Variants in FAM216A observed in about 807,000 individuals in gnomAD.
FAM216A encodes protein FAM216A.
Under a neutral mutation model 37.6 loss-of-function variants are expected in FAM216A, and 26 were observed. The observed-to-expected ratio is 0.69, with a 90% confidence interval of 0.51 to 0.96. FAM216A has a LOEUF of 0.96. Ranked by LOEUF, FAM216A falls within the 40% of genes least tolerant of loss-of-function variation. FAM216A has a pLI of 0.00. For missense variants in FAM216A, 326 were observed against 339.3 expected, an observed-to-expected ratio of 0.96 and a Z score of 0.31; for synonymous variants, 110 against 121.7, an observed-to-expected ratio of 0.90 and a Z score of 0.64.
chr12:110,478,955 G>A (rs945588743), intron 2 of FAM216A, among the ~76,000 whole-genome samples: 5 of 151,036 alleles, frequency 3.3e-5, no homozygotes, highest in African/African-American at 9.9e-5. Flanking sequence ...TTGGGAGGCC[G>A]AGGCGGGTGG....
At chr12:110,473,434 G>A (rs56119242) in intron 2 of FAM216A, among the ~76,000 whole-genome samples, 21,776 of 152,030 alleles carry the variant, frequency 0.14, 2,147 homozygotes, top group African/African-American at 0.28. Context: ...CTGGTCTGGA[G>A]CTCCTGACCT....
chr12:110,478,767 T>C (rs1412748552), intron 2 of FAM216A, among the ~76,000 whole-genome samples: 1 of 152,056 alleles, frequency 6.6e-6, no homozygotes, highest in African/African-American at 2.4e-5. Context: ...ACCCAGTGGA[T>C]TCATGTTATA....
chr12:110,488,323 A>C (rs2062787793), intron 6 of FAM216A, among the ~76,000 whole-genome samples: 1 of 151,558 alleles, frequency 6.6e-6, no homozygotes, highest in African/African-American at 2.4e-5. Context: ...AGGCAGGAGA[A>C]TCGATTGAAC....
chr12:110,468,779 G>C, upstream of FAM216A: 1 of 1,468,418 alleles, frequency 6.8e-7, no homozygotes, highest in Non-Finnish European at 9.0e-7. Context: ...AGCTGTTCGG[G>C]CAGTGTCCGA....
intron 1 of FAM216A, among the ~76,000 whole-genome samples, chr12:110,470,372 C>T (rs1008934187): frequency 2.0e-5 from 3 of 152,028 alleles, no homozygotes; most frequent in Non-Finnish European, 4.4e-5. Flanking sequence ...GTCTCTGGTG[C>T]TACTGAAGAC....
At chr12:110,484,358 C>T (rs1286476515) in intron 2 of FAM216A, among the ~76,000 whole-genome samples, 2 of 119,122 alleles carry the variant, frequency 1.7e-5, no homozygotes, top group South Asian at 3.0e-4. Flanking sequence ...ACTGGGGAGG[C>T]GGAGCTTGCA....
chr12:110,490,311 T>A lies in FAM216A; in HGVS notation c.*174T>A, dbSNP rs534925574. 6.6e-6 allele frequency: 4 copies of A among 602,720 alleles called. No homozygotes were observed. Among genetic ancestry groups the A allele is most frequent in the African/African-American group, 1.9e-5 (1 of 52,824 alleles). The allele number at this position is 602,720 out of a possible 1,614,324, so 37.3% of individuals were successfully genotyped here. On this transcript the variant is annotated 3_prime_UTR_variant, in exon 7 of 7. Coordinates refer to ENST00000377673, the MANE Select transcript of FAM216A (RefSeq NM_013300.3). ...ATGTAGTTCCATGTACCAATGATAG[T>A]TATGTAAGAAAATTTACATGTAACA...
intron 5 of FAM216A, chr12:110,487,629 C>G (rs768175168): frequency 1.3e-5 from 6 of 447,532 alleles, no homozygotes; most frequent in Non-Finnish European, 2.0e-5. Context: ...TGGTTATGCA[C>G]AGGGGAATAC....
intron 6 of FAM216A, 121 bp downstream of exon 6, chr12:110,488,064 A>G (rs1391959115): frequency 1.5e-6 from 1 of 656,704 alleles, no homozygotes; most frequent in Non-Finnish European, 2.6e-6. Context: ...ATTTGCTTTT[A>G]TTGTCACAAA....
At chr12:110,486,218 A>C (rs773730557) in intron 3 of FAM216A, 107 bp from the exon 4 acceptor site, 99 of 1,229,008 alleles carry the variant, frequency 8.1e-5, no homozygotes, top group Non-Finnish European at 1.0e-4. Flanking sequence ...TGCTAAAGTA[A>C]AATACAGTTG....
chr12:110,476,300 C>T (rs1050781035), intron 2 of FAM216A, among the ~76,000 whole-genome samples: 3 of 150,372 alleles, frequency 2.0e-5, no homozygotes, highest in Admixed American at 6.6e-5. Flanking sequence ...CCCAGGTTCA[C>T]GCCATTCTCC....
upstream of FAM216A, chr12:110,468,665 T>C (rs2062656268): frequency 2.0e-6 from 3 of 1,536,456 alleles, no homozygotes; most frequent in South Asian, 3.6e-5. Context: ...ACGCACTGCT[T>C]CCACAGAGAG....
In FAM216A at chr12:110,475,176, T is replaced by A. The variant is rs75888155; in HGVS notation, c.184+2058T>A. On this transcript the variant is annotated intron_variant, in intron 2 of 6. Transcript: ENST00000377673. ...TGATTGTCTTCCTCTATAGTTGAAC[T>A]TAAGGATTCATTCTATTATTTAAAA... Among the ~76,000 whole-genome samples the A allele has an allele frequency of 6.8e-3, 1,041 of 152,290 alleles. 1 individual carries two copies. The highest frequency in any genetic ancestry group is 9.3e-3 in the Non-Finnish European group (635 of 68,012).
intron 1 of FAM216A, among the ~76,000 whole-genome samples, chr12:110,471,378 G>A (rs1373372227): frequency 3.9e-5 from 6 of 152,226 alleles, no homozygotes; most frequent in Admixed American, 1.3e-4. Flanking sequence ...GGGAGCTACC[G>A]TGCCCAGCAC....
At chr12:110,469,453 A>G (rs2062666200) in intron 1 of FAM216A, among the ~76,000 whole-genome samples, 1 of 152,060 alleles carries the variant, frequency 6.6e-6, no homozygotes. Context: ...CCTTCCCTCT[A>G]GTGACATGAG....
At chr12:110,471,180 C>T (rs1211984968) in intron 1 of FAM216A, among the ~76,000 whole-genome samples, 3 of 151,938 alleles carry the variant, frequency 2.0e-5, no homozygotes, top group Non-Finnish European at 2.9e-5. Flanking sequence ...CTGCAACCTC[C>T]GCCTCCCAGG....
At chr12:110,469,179 A>ACAGAGGG (rs1377108967) in intron 1 of FAM216A, 161 bp downstream of exon 1, 7 of 839,636 alleles carry the variant, frequency 8.3e-6, no homozygotes, top group Non-Finnish European at 1.2e-5. Flanking sequence ...TTTGTTGTGG[A>ACAGAGGG]CAGAGGGCAG....
intron 1 of FAM216A, among the ~76,000 whole-genome samples, chr12:110,471,126 G>T (rs577940383): frequency 1.3e-5 from 2 of 150,986 alleles, no homozygotes; most frequent in East Asian, 3.9e-4. Flanking sequence ...ATGGAGTCTC[G>T]CTCTGTCACC....
intron 6 of FAM216A, 62 bp from the exon 7 acceptor site, chr12:110,489,957 A>C (rs1207451065): frequency 1.5e-5 from 12 of 801,788 alleles, no homozygotes; most frequent in Non-Finnish European, 1.7e-5. Flanking sequence ...GGTCATTTTG[A>C]AAGTTGTACT....
Sources: gnomAD v4.1 joint callset for allele counts (sites outside exome capture counted in the v4.1 genomes callset) on GRCh38, gnomAD v4.1.1 for gene constraint, MANE v1.5 for transcripts, NCBI Gene and HGNC (gene_info 2026-07-23, HGNC 2026-07-21) for gene names.